CDH11: variants seen among roughly 807,000 people sequenced by gnomAD.
CDH11 encodes the protein cadherin-11.
In CDH11, 11 loss-of-function variants were observed where a neutral mutation model predicts 67.8. The observed-to-expected ratio is 0.16, with a 90% CI of 0.10 to 0.27. The LOEUF (loss-of-function observed/expected upper bound fraction) is 0.27, where lower values mean the gene tolerates loss of function less well. Ranked by LOEUF, CDH11 falls within the 10% of genes least tolerant of loss-of-function variation. The pLI, the probability that CDH11 is intolerant of heterozygous loss-of-function variation, is 1.00. For missense variants in CDH11, 847 were observed against 1,031.2 expected, an observed-to-expected ratio of 0.82 and a Z score of 2.45; for synonymous variants, 419 against 400.0, an observed-to-expected ratio of 1.05 and a Z score of -0.57.
At chr16:65,063,407 T>C (rs1227095749) in intron 1 of CDH11, among the ~76,000 whole-genome samples, 1 of 152,208 alleles carries the variant, frequency 6.6e-6, no homozygotes, top group Non-Finnish European at 1.5e-5. Flanking sequence ...CTTACCAGAC[T>C]GTGCTTGGAT....
chr16:65,109,185 C>T (rs554514860), intron 1 of CDH11, among the ~76,000 whole-genome samples: 1 of 152,236 alleles, frequency 6.6e-6, no homozygotes, highest in African/African-American at 2.4e-5. Context: ...TCCAAGAGTT[C>T]TGTTCAGTTC....
chr16:65,010,037 C>T (rs911699337), intron 2 of CDH11, among the ~76,000 whole-genome samples: 4 of 152,156 alleles, frequency 2.6e-5, no homozygotes, highest in East Asian at 1.9e-4. Context: ...GAATGAAAGA[C>T]GAAAGCGCTT....
chr16:64,951,043 G>C (rs1410658737), intron 11 of CDH11, 25 bp from the exon 12 acceptor site: 1 of 1,604,282 alleles, frequency 6.2e-7, no homozygotes, highest in Admixed American at 1.7e-5. Context: ...GAGACAGGCC[G>C]TGCGCCCAGT....
chr16:65,120,688 G>A (rs2075311156), intron 1 of CDH11, among the ~76,000 whole-genome samples: 1 of 152,186 alleles, frequency 6.6e-6, no homozygotes, highest in Admixed American at 6.5e-5. Flanking sequence ...GATGGCCCAT[G>A]AAATTCCTAC....
At chr16:64,978,887 A>G (rs770855471) in intron 8 of CDH11, among the ~76,000 whole-genome samples, 5 of 152,188 alleles carry the variant, frequency 3.3e-5, no homozygotes, top group Non-Finnish European at 7.3e-5. Flanking sequence ...TTATTTCATC[A>G]TAGACATTAA....
rs748938746 is a variant in CDH11 at position 64,947,622 on chromosome 16, G to T, written c.2372C>A (p.Thr791Asn). The T allele has an allele frequency of 1.2e-6, 2 of 1,607,822 alleles. No individual in the cohort carries two copies. The highest frequency in any genetic ancestry group is 1.7e-5 in the Admixed American group (1 of 59,682). Residue 791 changes from threonine (T) to asparagine (N), a missense_variant, in exon 13 of 13, where the codon ACT (threonine) becomes AAT (asparagine). By Grantham distance (65) the Thr-to-Asn change is moderately conservative. Coordinates refer to ENST00000268603, the MANE Select transcript of CDH11 (RefSeq NM_001797.4). ...KLADLYGSKD[T>N]FDDDS ...TTATTGTTAAGAATCGTCATCAAAA[G>T]TGTCTTTGGAACCATACAAATCTGC...
intron 1 of CDH11, among the ~76,000 whole-genome samples, chr16:65,101,683 C>G (rs2074994467): frequency 6.6e-6 from 1 of 152,156 alleles, no homozygotes; most frequent in African/African-American, 2.4e-5. Context: ...CCTCAAGTGT[C>G]AAGGCCACTT....
chr16:65,027,571 C>T (rs534376072), intron 2 of CDH11, among the ~76,000 whole-genome samples: 15 of 152,166 alleles, frequency 9.9e-5, no homozygotes, highest in Admixed American at 2.0e-4. Context: ...CAGATGAAGA[C>T]GTAACAATAC....
rs1415647327 is a variant in CDH11 at position 64,983,148 on chromosome 16, A to ATT, written c.1000-848_1000-847insAA. 93 of 152,016 alleles carry ATT rather than the reference A, an allele frequency of 6.1e-4. 1 individual carries two copies. Among genetic ancestry groups the ATT allele is most frequent in the African/African-American group, 1.9e-3 (79 of 41,464 alleles). 9.4% of individuals were successfully genotyped at this position (152,016 alleles called of 1,614,324 possible). A position where few individuals can be genotyped will look rare whatever the true frequency, so the allele number is the denominator to read the frequency against. On this transcript the variant is annotated intron_variant, in intron 7 of 12. Coordinates refer to ENST00000268603, the MANE Select transcript of CDH11 (RefSeq NM_001797.4). Reference sequence around the variant, plus strand: ...TTTTTAAAATGCTTCTTTTTTTAAAAAAAAAAAGAATGCATATATATTAAA... The same window carrying ATT: ...TTTTTAAAATGCTTCTTTTTTTAAAATTAAAAAAAGAATGCATATATATTAAA...
intron 11 of CDH11, among the ~76,000 whole-genome samples, chr16:64,951,296 A>G (rs2071356952): frequency 6.6e-6 from 1 of 152,152 alleles, no homozygotes; most frequent in Non-Finnish European, 1.5e-5. Context: ...GCAGAAAATG[A>G]TGTGGCCGGC....
In CDH11 at chr16:65,049,803, G is replaced by C. The variant is rs535064231; in HGVS notation, c.-173+4001C>G. ...GAACCGAGTGTCTGTTTATGATTCT[G>C]ATGACACCAGATACAGACAGACACT... is the stretch of plus-strand genomic sequence containing the variant. On this transcript the variant is annotated intron_variant, in intron 2 of 12. Coordinates refer to ENST00000268603, the MANE Select transcript of CDH11 (RefSeq NM_001797.4). Among the ~76,000 whole-genome samples, 20 of 152,218 alleles carry C rather than the reference G, an allele frequency of 1.3e-4. No homozygotes were observed. The South Asian group carries it at 4.2e-3, about 32-fold the overall frequency.
At chr16:65,068,675 G>C (rs1363588697) in intron 1 of CDH11, among the ~76,000 whole-genome samples, 1 of 152,194 alleles carries the variant, frequency 6.6e-6, no homozygotes, top group African/African-American at 2.4e-5. Context: ...AAAGTTAGCA[G>C]ATGGATTTAC....
intron 1 of CDH11, among the ~76,000 whole-genome samples, chr16:65,068,105 A>C: frequency 1.0e-5 from 1 of 95,582 alleles, no homozygotes; most frequent in African/African-American, 4.2e-5. Flanking sequence ...AAAGGCGGGA[A>C]GGAGGGATGA....
At chr16:64,960,762 A>C (rs2071650670) in intron 11 of CDH11, among the ~76,000 whole-genome samples, 1 of 152,294 alleles carries the variant, frequency 6.6e-6, no homozygotes, top group East Asian at 1.9e-4. Context: ...AAAGCATGGA[A>C]TGTCTTGCTC....
rs567471966 is a variant in CDH11 at position 64,949,209 on chromosome 16, T to G, written c.1895-1110A>C. On this transcript the variant is annotated intron_variant, in intron 12 of 12. Transcript: ENST00000268603. Reference sequence around the variant, plus strand: ...TTCATGCACCAGCCTGGCCCCGTTCTTATCCTTATTATAATATTTATCACA... The same window carrying G: ...TTCATGCACCAGCCTGGCCCCGTTCGTATCCTTATTATAATATTTATCACA... 3.3e-5 allele frequency among the ~76,000 whole-genome samples: 5 copies of G among 152,236 alleles called. No individual in the cohort carries two copies. The South Asian group carries it at 1.0e-3, about 32-fold the overall frequency.
intron 1 of CDH11, among the ~76,000 whole-genome samples, chr16:65,105,025 T>C (rs972264548): frequency 1.3e-5 from 2 of 152,210 alleles, no homozygotes; most frequent in Non-Finnish European, 2.9e-5. Context: ...AGTTCCTGCA[T>C]GGCCAGTAAA....
intron 1 of CDH11, among the ~76,000 whole-genome samples, chr16:65,079,990 G>A (rs560615529): frequency 1.3e-5 from 2 of 152,186 alleles, no homozygotes; most frequent in Admixed American, 6.5e-5. Flanking sequence ...ATCAGATAAT[G>A]CAGACTTAGT....
chr16:65,025,342 T>G (rs975938303), intron 2 of CDH11, among the ~76,000 whole-genome samples: 1 of 152,170 alleles, frequency 6.6e-6, no homozygotes, highest in African/African-American at 2.4e-5. Context: ...TAGGTTTTTT[T>G]CCCCCTCTTT....
At chr16:65,081,486 G>A (rs1006351602) in intron 1 of CDH11, among the ~76,000 whole-genome samples, 3 of 151,610 alleles carry the variant, frequency 2.0e-5, no homozygotes, top group East Asian at 2.0e-4. Context: ...GGAGAATGGC[G>A]TGAACCCGGG....
Sources: gnomAD v4.1 joint callset for allele counts (sites outside exome capture counted in the v4.1 genomes callset) on GRCh38, gnomAD v4.1.1 for gene constraint, MANE v1.5 for transcripts, NCBI Gene and HGNC (gene_info 2026-07-23, HGNC 2026-07-21) for gene names.